NAGK: variants seen among roughly 807,000 people sequenced by gnomAD.
NAGK encodes N-acetylglucosamine kinase, also known as N-acetyl-D-glucosamine kinase.
Under a neutral mutation model 42.9 loss-of-function variants are expected in NAGK, and 35 were observed. The observed-to-expected ratio is 0.82, with a 90% CI of 0.62 to 1.08. The LOEUF is 1.08. NAGK is among the 50% of genes least tolerant of loss of function. NAGK has a pLI of 0.00. For synonymous variants in NAGK, 172 were observed against 176.0 expected, an observed-to-expected ratio of 0.98 and a Z score of 0.18; for missense variants, 446 against 446.0, an observed-to-expected ratio of 1.00 and a Z score of 0.00.
Position 71,077,625 on chromosome 2 carries a change from T to C in NAGK, c.833T>C (p.Leu278Pro). The change falls in exon 9 of 10, where the codon CTG (leucine) becomes CCG (proline). Residue 278 changes from leucine to proline, a missense_variant. Transcript: ENST00000244204. Reference protein sequence around the residue: ...CVGSVWKSWELLKEGFLLALT... With the variant: ...CVGSVWKSWEPLKEGFLLALT... ...GGCTCTGTGTGGAAGAGCTGGGAGCTGCTGAAGGAAGGTGAGCCTGGGGGG... is the reference window on the plus strand; with the variant it reads ...GGCTCTGTGTGGAAGAGCTGGGAGCCGCTGAAGGAAGGTGAGCCTGGGGGG... 1 of 1,606,708 alleles carries C rather than the reference T, an allele frequency of 6.2e-7. No homozygotes were observed. The highest frequency in any genetic ancestry group is 8.5e-7 in the Non-Finnish European group (1 of 1,176,660).
chr2:71,077,202 T>C (rs1572983824), intron 8 of NAGK, among the ~76,000 whole-genome samples: 1 of 152,214 alleles, frequency 6.6e-6, no homozygotes, highest in Non-Finnish European at 1.5e-5. Context: ...TGACCTCAAG[T>C]GATCCACCCA....
chr2:71,073,465 C>T lies in NAGK; in HGVS notation c.467-17C>T, dbSNP rs1672097709. On this transcript the variant is annotated splice_polypyrimidine_tract_variant and intron_variant, in intron 5 of 9. Coordinates refer to ENST00000244204, the MANE Select transcript of NAGK (RefSeq NM_017567.6). ...GATGACTGCTCCCATCTTCTTAGCC[C>T]TCTCTGCTCCCTGCAGCCTACTGGA... The T allele has an allele frequency of 1.9e-6, 3 of 1,585,200 alleles. No individual in the cohort carries two copies. The highest frequency in any genetic ancestry group is 1.3e-5 in the African/African-American group (1 of 74,344).
In NAGK at chr2:71,071,651, G is replaced by A. The variant is rs75976980; in HGVS notation, c.214-35G>A. 4.9e-3 allele frequency: 7,734 copies of A among 1,589,808 alleles called. 126 individuals carry two copies. The highest frequency in any genetic ancestry group is 0.033 in the East Asian group (1,452 of 43,920). The stretch of plus-strand genomic sequence containing the variant: ...GGTTGAGAAAAGAGCTGGGGCTGGG[G>A]CTCTGCACACTCGCTCACCTCCCGC... On this transcript the variant is annotated intron_variant, in intron 3 of 9. Coordinates refer to ENST00000244204, the MANE Select transcript of NAGK (RefSeq NM_017567.6).
rs1410371191 is a variant in NAGK, at chr2:71,072,558, T to G, written c.356-83T>G. On this transcript the variant is annotated intron_variant, in intron 4 of 9. Transcript: ENST00000244204. ...GGTGATTCCCTTGCCTGGGGCTGTT[T>G]TCTGTCCTGTCTTTCCACAGTGGCA... 5 of 1,199,244 alleles carry G rather than the reference T, an allele frequency of 4.2e-6. No homozygotes were observed. In the Admixed American group the frequency reaches 5.7e-5, roughly 14 times the overall value. 74.3% of individuals were successfully genotyped at this position (1,199,244 alleles called of 1,614,324 possible). A position where few individuals can be genotyped will look rare whatever the true frequency, so the allele number is the denominator to read the frequency against.
intron 5 of NAGK, 135 bp from the exon 6 acceptor site, chr2:71,073,346 CA>C: frequency 1.7e-6 from 1 of 603,548 alleles, no homozygotes; most frequent in South Asian, 1.7e-5. Context: ...CACCCCCTGC[CA>C]CCCCTGGCTG....
At chr2:71,068,418 A>G (rs1178526682), upstream of NAGK, 3 of 1,279,146 alleles carry the variant, frequency 2.3e-6, no homozygotes, top group African/African-American at 4.8e-5. Context: ...CCATCTCTGG[A>G]AGCAGGATCC....
intron 6 of NAGK, chr2:71,075,270 AT>A: frequency 3.4e-6 from 1 of 292,236 alleles, no homozygotes; most frequent in Admixed American, 4.7e-5. Context: ...AAAAAAAAAA[AT>A]TACAAAAAAA....
intron 1 of NAGK, 42 bp from the exon 2 acceptor site, chr2:71,070,460 G>T (rs1223590215): frequency 5.8e-6 from 9 of 1,554,414 alleles, no homozygotes; most frequent in South Asian, 5.6e-5. Flanking sequence ...TCTCTCTGTG[G>T]GTTTTTCCGA....
At chr2:71,071,944 C>T (rs928072286) in intron 4 of NAGK, 117 bp downstream of exon 4, 1 of 1,330,030 alleles carries the variant, frequency 7.5e-7, no homozygotes, top group Admixed American at 2.3e-5. Flanking sequence ...CTTATATTCC[C>T]CTCAACTCTT....
At chr2:71,068,511 C>G (rs1186880168), upstream of NAGK, 9 of 1,437,590 alleles carry the variant, frequency 6.3e-6, no homozygotes, top group Non-Finnish European at 8.2e-6. Flanking sequence ...AGGGACGCAG[C>G]CATCCCCGGC....
intron 3 of NAGK, 112 bp from the exon 4 acceptor site, chr2:71,071,574 C>A (rs1672003030): frequency 1.9e-5 from 27 of 1,393,212 alleles, no homozygotes; most frequent in Non-Finnish European, 2.6e-5. Flanking sequence ...GCTGGGTGAA[C>A]AGGGTATGGC....
At position 71,078,465 on chromosome 2, in the gene NAGK, A is replaced by G. The variant is rs1375186432; in HGVS notation, c.992A>G (p.Tyr331Cys). The change falls in exon 10 of 10, where the codon TAT becomes TGT. Residue 331 changes from tyrosine to cysteine, a missense_variant. Coordinates refer to ENST00000244204, the MANE Select transcript of NAGK (RefSeq NM_017567.6). ...RHIGHLLPMD[Y>C]SANAIAFYSY... ...ATCGGGCACCTCCTCCCCATGGACT[A>G]TAGCGCCAATGCCATTGCCTTCTAT... is the stretch of plus-strand genomic sequence containing the variant. 8.7e-6 allele frequency: 14 copies of G among 1,605,524 alleles called. No homozygotes were observed. Among genetic ancestry groups the G allele is most frequent in the Admixed American group, 1.7e-5 (1 of 58,534 alleles).
chr2:71,069,599 A>G (rs1671921440), intron 1 of NAGK: 1 of 153,014 alleles, frequency 6.5e-6, no homozygotes, highest in Admixed American at 6.5e-5. Context: ...CTTAAAAAAA[A>G]CAGTATAGGA....
chr2:71,076,397 G>A (rs182547041), intron 7 of NAGK: 93 of 516,664 alleles, frequency 1.8e-4, no homozygotes, highest in Admixed American at 3.3e-4. Flanking sequence ...CTCTGTACAG[G>A]GCACCCCTCT....
rs760797273 is a variant in NAGK, at chr2:71,075,586, T to C, written c.611T>C (p.Leu204Pro). The C allele has an allele frequency of 3.1e-6, 5 of 1,614,164 alleles. No homozygotes were observed. In the East Asian group the frequency reaches 1.1e-4, roughly 36 times the overall value. Reference protein sequence around the residue: ...VPDRLGILTHLYRDFDKCRFA... With the variant: ...VPDRLGILTHPYRDFDKCRFA... Reference sequence around the variant, plus strand: ...GATCGGCTAGGGATACTCACTCACCTGTATAGGGACTTTGATAAATGCAGG... The same window carrying C: ...GATCGGCTAGGGATACTCACTCACCCGTATAGGGACTTTGATAAATGCAGG... The change falls in exon 7 of 10, where the codon CTG becomes CCG. Residue 204 changes from leucine (L) to proline (P), a missense_variant. Coordinates refer to ENST00000244204, the MANE Select transcript of NAGK (RefSeq NM_017567.6).
Position 71,076,689 on chromosome 2 carries a change from C to A in NAGK, c.753C>A (p.Pro251=). The A allele has an allele frequency of 6.2e-7, 1 of 1,613,310 alleles. No homozygotes were observed. The highest frequency in any genetic ancestry group is 1.1e-5 in the South Asian group (1 of 91,030). The change falls in exon 8 of 10, where the codon CCC becomes CCA. Residue 251 remains proline, a synonymous_variant. Coordinates refer to ENST00000244204, the MANE Select transcript of NAGK (RefSeq NM_017567.6). ...GCAGACACATCGTAGCAGTGTTGCC[C>A]GAGATTGACCCGGTGAGTTGAGGTG... ...MLGRHIVAVL[P]EIDPVLFQGK... is the part of the protein sequence containing the mutation.
rs145487795 is a variant in NAGK, at chr2:71,073,564, C to T, written c.549C>T (p.Tyr183=). Reference sequence around the variant, plus strand: ...AGGCGGCTCCTCATGATATCGGCTACGTCAAACAGGCCATGTTCCACTATT... The same window carrying T: ...AGGCGGCTCCTCATGATATCGGCTATGTCAAACAGGCCATGTTCCACTATT... ...NLEAAPHDIG[Y]VKQAMFHYFQ... is the part of the protein sequence containing the mutation. The change falls in exon 6 of 10, where the codon TAC becomes TAT. Residue 183 remains tyrosine (Y), a synonymous_variant. Coordinates refer to ENST00000244204, the MANE Select transcript of NAGK (RefSeq NM_017567.6). 75 of 1,613,842 alleles carry T rather than the reference C, an allele frequency of 4.6e-5. No individual in the cohort carries two copies. The highest frequency in any genetic ancestry group is 1.6e-4 in the African/African-American group (12 of 74,896).
At chr2:71,071,933 T>G (rs981230211) in intron 4 of NAGK, 106 bp downstream of exon 4, 2 of 1,397,218 alleles carry the variant, frequency 1.4e-6, no homozygotes, top group Non-Finnish European at 9.7e-7. Flanking sequence ...AGGCAGCCAC[T>G]CTTATATTCC....
chr2:71,072,504 G>C (rs1265317613), intron 4 of NAGK, 137 bp from the exon 5 acceptor site: 3 of 658,042 alleles, frequency 4.6e-6, no homozygotes, highest in African/African-American at 3.6e-5. Context: ...AACTAGCTGG[G>C]CTCAGTTTTC....
Sources: gnomAD v4.1 joint callset for allele counts (sites outside exome capture counted in the v4.1 genomes callset) on GRCh38, gnomAD v4.1.1 for gene constraint, MANE v1.5 for transcripts, NCBI Gene and HGNC (gene_info 2026-07-23, HGNC 2026-07-21) for gene names.